CAAP1: variants seen among roughly 807,000 people sequenced by gnomAD.
CAAP1 encodes conserved anti-apoptotic protein.
In CAAP1, 20 loss-of-function variants were observed where a neutral mutation model predicts 34.0. That is an observed-to-expected ratio of 0.59 (90% CI 0.41 to 0.86). The LOEUF (loss-of-function observed/expected upper bound fraction) is 0.86. Ranked by LOEUF, CAAP1 falls within the 40% of genes least tolerant of loss-of-function variation. The pLI, the probability that CAAP1 is intolerant of heterozygous loss-of-function variation, is 0.00. For missense variants in CAAP1, 538 were observed against 450.5 expected (o/e 1.19, Z -1.76); for synonymous variants, 213 against 166.7 (o/e 1.28, Z -2.14).
intron 4 of CAAP1, among the ~76,000 whole-genome samples, chr9:26,884,347 T>C (rs1823674270): frequency 6.6e-6 from 1 of 152,202 alleles, no homozygotes. Flanking sequence ...TATACATTTA[T>C]AGGTAAAATA....
At chr9:26,889,642 C>A (rs1028239618) in intron 1 of CAAP1, among the ~76,000 whole-genome samples, 15 of 150,934 alleles carry the variant, frequency 9.9e-5, no homozygotes, top group African/African-American at 3.4e-4. Context: ...CTGAGGGGGG[C>A]AGATAACAAG....
At chr9:26,853,144 C>A (rs1822791839) in intron 5 of CAAP1, among the ~76,000 whole-genome samples, 1 of 152,102 alleles carries the variant, frequency 6.6e-6, no homozygotes, top group South Asian at 2.1e-4. Flanking sequence ...AATAATCAGA[C>A]TGCTGTGTGA....
At chr9:26,874,239 T>C (rs1823365507) in intron 4 of CAAP1, among the ~76,000 whole-genome samples, 1 of 151,440 alleles carries the variant, frequency 6.6e-6, no homozygotes, top group Non-Finnish European at 1.5e-5. Context: ...AAAAATTTTT[T>C]TTACAGATAC....
At chr9:26,858,739 T>C (rs1422287874) in intron 5 of CAAP1, among the ~76,000 whole-genome samples, 1 of 150,310 alleles carries the variant, frequency 6.7e-6, no homozygotes. Context: ...AGGGGAATGG[T>C]GTGAACCTGG....
intron 5 of CAAP1, among the ~76,000 whole-genome samples, chr9:26,857,537 C>A (rs981672541): frequency 1.3e-5 from 2 of 152,096 alleles, no homozygotes; most frequent in African/African-American, 4.8e-5. Flanking sequence ...CAGGCTGAGG[C>A]AGGAGAATTG....
chr9:26,877,926 T>C (rs1823484427), intron 4 of CAAP1, among the ~76,000 whole-genome samples: 1 of 151,890 alleles, frequency 6.6e-6, no homozygotes, highest in Admixed American at 6.6e-5. Flanking sequence ...AATGTTTTAG[T>C]ATTTTACCTC....
chr9:26,870,715 C>A (rs1350854838), intron 4 of CAAP1, among the ~76,000 whole-genome samples: 1 of 151,656 alleles, frequency 6.6e-6, no homozygotes, highest in Non-Finnish European at 1.5e-5. Context: ...CTCCCCGGTT[C>A]AGGTGATCCC....
chr9:26,881,975 C>A (rs887992935), intron 4 of CAAP1, among the ~76,000 whole-genome samples: 1 of 152,168 alleles, frequency 6.6e-6, no homozygotes, highest in Non-Finnish European at 1.5e-5. Flanking sequence ...AGACTGGCAG[C>A]ATTTTGCCCT....
intron 4 of CAAP1, among the ~76,000 whole-genome samples, chr9:26,876,145 T>C (rs1256430753): frequency 6.6e-6 from 1 of 152,236 alleles, no homozygotes; most frequent in Non-Finnish European, 1.5e-5. Context: ...TTCCATCCTG[T>C]CTTTTCCAGC....
chr9:26,854,802 A>G (rs115893861), intron 5 of CAAP1, among the ~76,000 whole-genome samples: 1,936 of 152,328 alleles, frequency 0.013, 39 homozygotes, highest in African/African-American at 0.045. Flanking sequence ...AAGATGTTCA[A>G]CATCACATAT....
intron 5 of CAAP1, among the ~76,000 whole-genome samples, chr9:26,849,310 A>G (rs1728324324): frequency 6.6e-6 from 1 of 152,078 alleles, no homozygotes; most frequent in Non-Finnish European, 1.5e-5. Flanking sequence ...TATTTGCTCC[A>G]TTTCTTCATT....
chr9:26,858,181 T>C lies in CAAP1; in HGVS notation c.739+2885A>G, dbSNP rs570963931. Among the ~76,000 whole-genome samples, 36 of 152,348 alleles carry C rather than the reference T, an allele frequency of 2.4e-4. No homozygotes were observed. In the South Asian group the frequency reaches 7.2e-3, roughly 31 times the overall value. ...ACAAGGAGCTTATATTCTGCTTTTA[T>C]TGAGCTCACTGTGAACAAAAATAGC... On this transcript the variant is annotated intron_variant, in intron 5 of 5. Transcript: ENST00000333916.
At chr9:26,862,389 C>A (rs1396427077) in intron 4 of CAAP1, among the ~76,000 whole-genome samples, 1 of 151,184 alleles carries the variant, frequency 6.6e-6, no homozygotes, top group South Asian at 2.1e-4. Context: ...TTTAATTATT[C>A]TTCTAAACAT....
chr9:26,855,897 AGT>A (rs1822859171), intron 5 of CAAP1, among the ~76,000 whole-genome samples: 1 of 152,204 alleles, frequency 6.6e-6, no homozygotes, highest in Admixed American at 6.5e-5. Context: ...ATGCCTTAAG[AGT>A]GTGTCTAAGA....
At chr9:26,855,323 G>A (rs149463996) in intron 5 of CAAP1, among the ~76,000 whole-genome samples, 285 of 152,314 alleles carry the variant, frequency 1.9e-3, no homozygotes, top group African/African-American at 3.2e-3. Context: ...CAGGAGTTGG[G>A]GGGGAGAGAG....
At chr9:26,872,987 G>A (rs886752264) in intron 4 of CAAP1, among the ~76,000 whole-genome samples, 1 of 152,216 alleles carries the variant, frequency 6.6e-6, no homozygotes, top group Non-Finnish European at 1.5e-5. Context: ...TTGATTGGGT[G>A]CAGTGGCTCA....
intron 5 of CAAP1, among the ~76,000 whole-genome samples, chr9:26,848,171 A>C (rs1822661648): frequency 6.6e-6 from 1 of 150,592 alleles, no homozygotes; most frequent in Non-Finnish European, 1.5e-5. Flanking sequence ...AGCATAACTT[A>C]AAAGTTCCTT....
At chr9:26,862,684 A>AT (rs779279292) in intron 4 of CAAP1, among the ~76,000 whole-genome samples, 27 of 152,288 alleles carry the variant, frequency 1.8e-4, no homozygotes, top group Middle Eastern at 3.4e-3. Flanking sequence ...ATTAAATGTT[A>AT]TAACTGACCT....
intron 1 of CAAP1, 75 bp downstream of exon 1, chr9:26,892,338 C>G: frequency 6.4e-7 from 1 of 1,571,776 alleles, no homozygotes; most frequent in Non-Finnish European, 8.6e-7. Context: ...CAGCCTGCGC[C>G]CCATCCCTCT....
Sources: gnomAD v4.1 joint callset for allele counts (sites outside exome capture counted in the v4.1 genomes callset) on GRCh38, gnomAD v4.1.1 for gene constraint, MANE v1.5 for transcripts, NCBI Gene and HGNC (gene_info 2026-07-23, HGNC 2026-07-21) for gene names.